The following TCEA3 variants were observed in gnomAD, a reference collection of about 807,000 sequenced individuals.
TCEA3 encodes transcription elongation factor A protein 3.
TCEA3 carries 36 observed loss-of-function variants against 44.0 expected under a neutral mutation model. The ratio of observed to expected loss-of-function variants is 0.82; its 90% CI spans 0.63 to 1.08. The LOEUF (loss-of-function observed/expected upper bound fraction) is 1.08. Among genes scored for constraint, TCEA3 ranks in the 50% least tolerant of loss-of-function variants. The pLI is 0.00. For synonymous variants in TCEA3, 162 were observed against 159.7 expected (o/e 1.01, Z -0.11); for missense variants, 392 against 441.2 (o/e 0.89, Z 1.00).
Position 23,381,478 on chromosome 1 carries a change from C to G in TCEA3, c.1039-4G>C. 2 of 780,866 alleles carry G rather than the reference C, an allele frequency of 2.6e-6. No individual in the cohort carries two copies. Among genetic ancestry groups the G allele is most frequent in the Non-Finnish European group, 4.8e-6 (2 of 417,984 alleles). The allele number at this position is 780,866 out of a possible 1,614,324, so 48.4% of individuals were successfully genotyped here. On this transcript the variant is annotated splice_polypyrimidine_tract_variant and splice_region_variant and intron_variant, in intron 10 of 10. Coordinates refer to ENST00000450454, the MANE Select transcript of TCEA3 (RefSeq NM_003196.3). The stretch of plus-strand genomic sequence containing the variant: ...GCTGGCTGTTCCATCAGCAGAACTA[C>G]AAAACCAGAAAGGCAACAAAATTTG...
rs1445794704 is a variant in TCEA3, at chr1:23,417,257, G to A, written c.372C>T (p.Pro124=). The A allele has an allele frequency of 1.2e-6, 2 of 1,613,562 alleles. No individual in the cohort carries two copies. The highest frequency in any genetic ancestry group is 1.7e-6 in the Non-Finnish European group (2 of 1,179,844). The change falls in exon 4 of 11, where the codon CCC becomes CCT. Residue 124 remains proline, a synonymous_variant. Transcript: ENST00000450454. Reference sequence around the variant, plus strand: ...ATCCCAAAAAAGAATACCTGGTTTTGGGGTCTTCTCGTTTTTTCCTTGGTG... The same window carrying A: ...ATCCCAAAAAAGAATACCTGGTTTTAGGGTCTTCTCGTTTTTTCCTTGGTG... ...LSPPRKKRED[P]KTRRDSVDSK...
chr1:23,406,105 T>A (rs997653640), intron 5 of TCEA3, among the ~76,000 whole-genome samples: 1 of 152,202 alleles, frequency 6.6e-6, no homozygotes, highest in Non-Finnish European at 1.5e-5. Context: ...TTTCTAGGCC[T>A]GACCCACATC....
intron 2 of TCEA3, 51 bp downstream of exon 2, chr1:23,419,026 C>A: frequency 9.9e-7 from 1 of 1,006,920 alleles, no homozygotes; most frequent in Non-Finnish European, 1.4e-6. Flanking sequence ...TTCCCTCCCC[C>A]ACCAGCTCTC....
intron 10 of TCEA3, among the ~76,000 whole-genome samples, chr1:23,381,894 T>C (rs145625581): frequency 3.7e-4 from 56 of 152,302 alleles, no homozygotes; most frequent in African/African-American, 1.3e-3. Context: ...GAAGAGGAGC[T>C]GGATTTAAAG....
intron 5 of TCEA3, among the ~76,000 whole-genome samples, chr1:23,403,059 G>A (rs1570262615): frequency 6.6e-6 from 1 of 152,222 alleles, no homozygotes; most frequent in Non-Finnish European, 1.5e-5. Flanking sequence ...CAACTCCCAG[G>A]ACCCAGGCAA....
At chr1:23,416,704 C>T (rs1639900153) in intron 4 of TCEA3, among the ~76,000 whole-genome samples, 1 of 152,146 alleles carries the variant, frequency 6.6e-6, no homozygotes, top group African/African-American at 2.4e-5. Context: ...GTTGCCCAGG[C>T]TTGTCTCAAA....
intron 5 of TCEA3, among the ~76,000 whole-genome samples, chr1:23,407,025 G>A (rs1241099249): frequency 1.3e-5 from 2 of 152,156 alleles, no homozygotes; most frequent in South Asian, 2.1e-4. Context: ...ACTAACACAC[G>A]CCTCAAATCC....
intron 3 of TCEA3, 76 bp from the exon 4 acceptor site, chr1:23,417,466 G>A: frequency 2.6e-6 from 4 of 1,535,496 alleles, no homozygotes; most frequent in East Asian, 2.3e-5. Context: ...AGTGGGGAGA[G>A]AGCAAAGGGC....
intron 8 of TCEA3, among the ~76,000 whole-genome samples, chr1:23,392,361 T>TAC (rs1385784795): frequency 2.2e-5 from 3 of 137,668 alleles, no homozygotes; most frequent in East Asian, 4.4e-4. Context: ...CCACACATCA[T>TAC]ACACACACAC....
In TCEA3 at chr1:23,398,006, T is replaced by A. The variant is rs1639273474; in HGVS notation, c.444-51A>T. 3 of 1,595,104 alleles carry A rather than the reference T, an allele frequency of 1.9e-6. No homozygotes were observed. The African/African-American group carries it at 4.0e-5, about 21-fold the overall frequency. On this transcript the variant is annotated intron_variant, in intron 5 of 10. Coordinates refer to ENST00000450454, the MANE Select transcript of TCEA3 (RefSeq NM_003196.3). The stretch of plus-strand genomic sequence containing the variant: ...ATTTGACATTAAGAGAGTAAAGCAT[T>A]TATTGAGCAGCATTCTAGATGTCTT...
In TCEA3 at chr1:23,397,847, C is replaced by T. The variant is rs1639266944; in HGVS notation, c.552G>A (p.Gly184=). The T allele has an allele frequency of 6.2e-7, 1 of 1,613,896 alleles. No homozygotes were observed. Among genetic ancestry groups the T allele is most frequent in the East Asian group, 2.2e-5 (1 of 44,874 alleles). Residue 184 remains glycine, a synonymous_variant, in exon 6 of 11, where the codon GGG becomes GGA. Transcript: ENST00000450454. ...MCLLAPCYLT[G]DSVRDKCVEM... is the part of the protein sequence containing the mutation. ...CCACACACTTGTCCCGGACAGAGTC[C>T]CCTGTGAGATAGCAGGGGGCCAGGA...
At chr1:23,389,710 T>C (rs1461076744) in intron 8 of TCEA3, among the ~76,000 whole-genome samples, 1 of 152,232 alleles carries the variant, frequency 6.6e-6, no homozygotes, top group African/African-American at 2.4e-5. Flanking sequence ...CTGTATCAGT[T>C]TGCAGGTAAA....
At chr1:23,393,052 A>G (rs1339494298) in intron 8 of TCEA3, among the ~76,000 whole-genome samples, 1 of 152,058 alleles carries the variant, frequency 6.6e-6, no homozygotes, top group Non-Finnish European at 1.5e-5. Context: ...GATGGTTCCC[A>G]CTTGGGGTGC....
intron 8 of TCEA3, among the ~76,000 whole-genome samples, chr1:23,393,325 G>A (rs1196555180): frequency 6.6e-6 from 1 of 151,964 alleles, no homozygotes; most frequent in Non-Finnish European, 1.5e-5. Flanking sequence ...TGGCCTGAGG[G>A]TTAGGGATCC....
In TCEA3 at chr1:23,424,745, C is replaced by G; in HGVS notation, c.-112G>C. On this transcript the variant is annotated 5_prime_UTR_variant, in exon 1 of 11. Coordinates refer to ENST00000450454, the MANE Select transcript of TCEA3 (RefSeq NM_003196.3). ...AACCCGCGCGGGCCCCAAACACACA[C>G]GACACACACGCCCGGCGGGGGCGGG... 1 of 702,394 alleles carries G rather than the reference C, an allele frequency of 1.4e-6. No homozygotes were observed. Among genetic ancestry groups the G allele is most frequent in the Non-Finnish European group, 2.3e-6 (1 of 425,572 alleles). 43.5% of individuals were successfully genotyped at this position (702,394 alleles called of 1,614,324 possible).
In TCEA3 at chr1:23,381,411, T is replaced by G; in HGVS notation, c.*55A>C. 1 of 779,330 alleles carries G rather than the reference T, an allele frequency of 1.3e-6. No homozygotes were observed. The highest frequency in any genetic ancestry group is 2.4e-5 in the East Asian group (1 of 41,240). 48.3% of individuals were successfully genotyped at this position (779,330 alleles called of 1,614,324 possible). ...ATTTTTATTGCTTCTCCAGTTCAGATAATTCAGCGCTTCCTCTTTCTTCTT... is the reference window on the plus strand; with the variant it reads ...ATTTTTATTGCTTCTCCAGTTCAGAGAATTCAGCGCTTCCTCTTTCTTCTT... On this transcript the variant is annotated 3_prime_UTR_variant, in exon 11 of 11. Transcript: ENST00000450454.
intron 8 of TCEA3, among the ~76,000 whole-genome samples, chr1:23,390,289 C>A (rs192483214): frequency 6.6e-6 from 1 of 152,132 alleles, no homozygotes; most frequent in African/African-American, 2.4e-5. Context: ...GCCAACATGG[C>A]GAAACTTCGT....
chr1:23,404,021 C>T, intron 5 of TCEA3: 1 of 670,200 alleles, frequency 1.5e-6, no homozygotes, highest in South Asian at 1.5e-5. Context: ...CTTCCTTCTG[C>T]TCCCCGGATG....
intron 5 of TCEA3, chr1:23,403,804 G>C: frequency 2.4e-6 from 1 of 414,732 alleles, no homozygotes; most frequent in Non-Finnish European, 4.5e-6. Context: ...AGGCTGTTTG[G>C]AGCATTTCTT....
Sources: gnomAD v4.1 joint callset for allele counts (sites outside exome capture counted in the v4.1 genomes callset) on GRCh38, gnomAD v4.1.1 for gene constraint, MANE v1.5 for transcripts, NCBI Gene and HGNC (gene_info 2026-07-23, HGNC 2026-07-21) for gene names.